The following PPFIA2 variants were observed in gnomAD, a reference collection of about 807,000 sequenced individuals.
PPFIA2 encodes PPFI scaffold protein A2.
In PPFIA2, 46 loss-of-function variants were observed where a neutral mutation model predicts 175.5. The ratio of observed to expected loss-of-function variants is 0.26; its 90% CI spans 0.21 to 0.34. The LOEUF (loss-of-function observed/expected upper bound fraction) is 0.34. Ranked by LOEUF, PPFIA2 falls within the 10% of genes least tolerant of loss-of-function variation. The probability of loss-of-function intolerance (pLI) is 1.00; values close to 1 mark genes in which losing one functional copy is unlikely to be tolerated. For missense variants in PPFIA2, 1,179 were observed against 1,506.1 expected (o/e 0.78, Z 3.60); for synonymous variants, 568 against 511.4 (o/e 1.11, Z -1.49).
chr12:81,542,067 A>C (rs998321458), intron 4 of PPFIA2, among the ~76,000 whole-genome samples: 2 of 152,108 alleles, frequency 1.3e-5, no homozygotes, highest in Non-Finnish European at 2.9e-5. Flanking sequence ...CCTGGAACTT[A>C]CGAACATTAC....
chr12:81,294,567 C>G, intron 24 of PPFIA2: 1 of 425,128 alleles, frequency 2.4e-6, no homozygotes, highest in South Asian at 2.8e-5. Context: ...AGAGTAAGCT[C>G]AGGGTCTTGT....
chr12:81,607,901 G>T (rs774313055), intron 4 of PPFIA2, among the ~76,000 whole-genome samples: 7 of 151,978 alleles, frequency 4.6e-5, no homozygotes, highest in Non-Finnish European at 7.4e-5. Flanking sequence ...TCTAGTTTTT[G>T]CTCATTCAGT....
chr12:81,517,817 C>A (rs1200015253), intron 4 of PPFIA2, among the ~76,000 whole-genome samples: 1 of 152,080 alleles, frequency 6.6e-6, no homozygotes, highest in Non-Finnish European at 1.5e-5. Flanking sequence ...TCTTACTATT[C>A]ATTACCACAT....
intron 9 of PPFIA2, among the ~76,000 whole-genome samples, chr12:81,382,919 G>T (rs2038057189): frequency 6.6e-6 from 1 of 152,058 alleles, no homozygotes; most frequent in Admixed American, 6.6e-5. Context: ...ACACTCCAAG[G>T]TCGGGGAGGA....
chr12:81,742,442 T>A (rs1199809472), intron 3 of PPFIA2, among the ~76,000 whole-genome samples: 4 of 152,148 alleles, frequency 2.6e-5, no homozygotes, highest in Non-Finnish European at 5.9e-5. Flanking sequence ...CAGGAAACAC[T>A]GAGAGACTGC....
At chr12:81,753,822 A>T in intron 3 of PPFIA2, 151 bp downstream of exon 3, 1 of 995,780 alleles carries the variant, frequency 1.0e-6, no homozygotes. Context: ...CAAGGTTTCA[A>T]GTGAACTAAT....
At chr12:81,344,156 T>C (rs565026555) in intron 19 of PPFIA2, among the ~76,000 whole-genome samples, 1 of 152,178 alleles carries the variant, frequency 6.6e-6, no homozygotes, top group South Asian at 2.1e-4. Context: ...CCTTCTGCCC[T>C]GCTCCTTCTG....
Position 81,506,330 on chromosome 12 carries a change from T to C in PPFIA2, c.304-48464A>G, listed in dbSNP as rs564307651. Among the ~76,000 whole-genome samples the C allele has an allele frequency of 3.9e-5, 6 of 152,338 alleles. No homozygotes were observed. In the South Asian group the frequency reaches 1.2e-3, roughly 32 times the overall value. On this transcript the variant is annotated intron_variant, in intron 4 of 32. Transcript: ENST00000549396. Reference sequence around the variant, plus strand: ...GCCCAGGTCAAACTTATACTCTGTATGAAACTTTCCCCAATCTTCCATCAG... The same window carrying C: ...GCCCAGGTCAAACTTATACTCTGTACGAAACTTTCCCCAATCTTCCATCAG...
chr12:81,375,343 TG>T, intron 10 of PPFIA2, among the ~76,000 whole-genome samples: 1 of 152,140 alleles, frequency 6.6e-6, no homozygotes, highest in Non-Finnish European at 1.5e-5. Context: ...CAACCAGCTT[TG>T]GCCCACGGCT....
intron 17 of PPFIA2, among the ~76,000 whole-genome samples, chr12:81,351,076 C>T (rs1220746115): frequency 6.6e-6 from 1 of 151,964 alleles, no homozygotes; most frequent in Admixed American, 6.6e-5. Context: ...ATTCAAGAAA[C>T]CATATATTAA....
Position 81,414,341 on chromosome 12 carries a change from TA to T in PPFIA2, c.646-8439del, listed in dbSNP as rs536068603. 5.3e-4 allele frequency among the ~76,000 whole-genome samples: 81 copies of T among 151,822 alleles called. 1 individual carries two copies. Among genetic ancestry groups the T allele is most frequent in the African/African-American group, 1.9e-3 (80 of 41,528 alleles). ...TTTAGAAGATGTCTTCAAAAACATT[TA>T]AAAGGTGTCTTCATATATTCCCCAA... On this transcript the variant is annotated intron_variant, in intron 7 of 32. Coordinates refer to ENST00000549396, the MANE Select transcript of PPFIA2 (RefSeq NM_003625.5).
chr12:81,725,605 A>C (rs2079964164), intron 3 of PPFIA2, among the ~76,000 whole-genome samples: 1 of 150,986 alleles, frequency 6.6e-6, no homozygotes, highest in African/African-American at 2.4e-5. Flanking sequence ...TCATAAAGTT[A>C]GAAAAAATAT....
At chr12:81,612,326 A>G (rs2061008800) in intron 4 of PPFIA2, among the ~76,000 whole-genome samples, 1 of 152,102 alleles carries the variant, frequency 6.6e-6, no homozygotes, top group South Asian at 2.1e-4. Flanking sequence ...TTGTTCAACA[A>G]ATCATTATTG....
chr12:81,756,974 C>T (rs914803692), intron 2 of PPFIA2, among the ~76,000 whole-genome samples: 1 of 152,054 alleles, frequency 6.6e-6, no homozygotes, highest in African/African-American at 2.4e-5. Context: ...AATCCAAAGT[C>T]TTCTTATCAA....
At chr12:81,262,989 G>T (rs2036125179) in intron 31 of PPFIA2, among the ~76,000 whole-genome samples, 2 of 152,142 alleles carry the variant, frequency 1.3e-5, no homozygotes, top group South Asian at 4.1e-4. Flanking sequence ...TCCTAGAGGT[G>T]GACATTAACC....
chr12:81,369,134 C>A lies in PPFIA2; in HGVS notation c.1327G>T (p.Glu443Ter). The A allele has an allele frequency of 6.2e-7, 1 of 1,607,452 alleles. No individual in the cohort carries two copies. The highest frequency in any genetic ancestry group is 1.1e-5 in the South Asian group (1 of 90,824). ...ACTCTTTGAAGTTCTTGATTCTTCT[C>A]TTCAAGTTGACCCTCTAAATGTCTC... Reference protein sequence around the residue: ...RMRHLEGQLEEKNQELQRARQ... With the variant: ...RMRHLEGQLE The change falls in exon 12 of 33, where the codon GAG becomes TAG. Residue 443 changes from glutamate to a stop codon, truncating the protein, a stop_gained. Coordinates refer to ENST00000549396, the MANE Select transcript of PPFIA2 (RefSeq NM_003625.5). LOFTEE classifies it high-confidence loss of function.
At chr12:81,641,392 C>A (rs2153515520) in intron 4 of PPFIA2, among the ~76,000 whole-genome samples, 1 of 152,150 alleles carries the variant, frequency 6.6e-6, no homozygotes, top group Non-Finnish European at 1.5e-5. Context: ...CAAAAGTGAC[C>A]ACAGTTCTTT....
At chr12:81,465,783 T>C (rs887169959) in intron 4 of PPFIA2, among the ~76,000 whole-genome samples, 1 of 151,996 alleles carries the variant, frequency 6.6e-6, no homozygotes, top group Non-Finnish European at 1.5e-5. Context: ...AGATAATATA[T>C]TTCTCAAATT....
chr12:81,535,303 C>A, intron 4 of PPFIA2: 2 of 436,748 alleles, frequency 4.6e-6, no homozygotes, highest in Non-Finnish European at 9.2e-6. Context: ...TTCAAGAGGA[C>A]TGGATTCAGG....
Sources: gnomAD v4.1 joint callset for allele counts (sites outside exome capture counted in the v4.1 genomes callset) on GRCh38, gnomAD v4.1.1 for gene constraint, MANE v1.5 for transcripts, NCBI Gene and HGNC (gene_info 2026-07-23, HGNC 2026-07-21) for gene names.